The following LRP1B variants were observed in gnomAD, a reference collection of about 807,000 sequenced individuals.
LRP1B encodes the protein LDL receptor related protein 1B, also known as low-density lipoprotein receptor-related protein 1B.
Under a neutral mutation model 556.6 loss-of-function variants are expected in LRP1B, and 217 were observed. The ratio of observed to expected loss-of-function variants is 0.39; its 90% CI spans 0.35 to 0.44. The LOEUF (loss-of-function observed/expected upper bound fraction) is 0.44, where lower values mean the gene tolerates loss of function less well. LRP1B is among the 20% of genes least tolerant of loss of function. LRP1B has a pLI of 1.00. For missense variants in LRP1B, 5,053 were observed against 5,620.8 expected (o/e 0.90, Z 3.23); for synonymous variants, 2,047 against 1,865.8 (o/e 1.10, Z -2.50).
chr2:140,964,516 GA>G (rs1490356602), intron 18 of LRP1B, among the ~76,000 whole-genome samples: 1 of 151,914 alleles, frequency 6.6e-6, no homozygotes, highest in Non-Finnish European at 1.5e-5. Context: ...CCCAGACGCT[GA>G]TGTCACCGCT....
intron 41 of LRP1B, among the ~76,000 whole-genome samples, chr2:140,669,152 A>G (rs1228687252): frequency 6.6e-6 from 1 of 152,198 alleles, no homozygotes; most frequent in African/African-American, 2.4e-5. Context: ...AGCCACGGAC[A>G]TGGTAGTAGG....
At chr2:141,678,878 T>G (rs1045393572) in intron 2 of LRP1B, among the ~76,000 whole-genome samples, 13 of 152,292 alleles carry the variant, frequency 8.5e-5, no homozygotes, top group Non-Finnish European at 1.3e-4. Flanking sequence ...GTATTCATGC[T>G]CCTATGAAAC....
At chr2:141,340,650 T>C (rs1688024487) in intron 3 of LRP1B, among the ~76,000 whole-genome samples, 1 of 152,192 alleles carries the variant, frequency 6.6e-6, no homozygotes, top group South Asian at 2.1e-4. Flanking sequence ...TATTTCATTA[T>C]CATAATTTTA....
chr2:140,384,194 T>C (rs1683660598), intron 67 of LRP1B, among the ~76,000 whole-genome samples: 1 of 152,140 alleles, frequency 6.6e-6, no homozygotes, highest in Non-Finnish European at 1.5e-5. Context: ...TCTTCTGCTT[T>C]CAACATCCTT....
rs185080744 is a variant in LRP1B, at chr2:140,513,339, G to A, written c.8269+1314C>T. ...ACTCAGAAAGCACAGTGTTATCAACGGGGCAGTTTAGTGTAGAGTTTAACA... is the reference window on the plus strand; with the variant it reads ...ACTCAGAAAGCACAGTGTTATCAACAGGGCAGTTTAGTGTAGAGTTTAACA... On this transcript the variant is annotated intron_variant, in intron 51 of 90. Coordinates refer to ENST00000389484, the MANE Select transcript of LRP1B (RefSeq NM_018557.3). 5.0e-4 allele frequency among the ~76,000 whole-genome samples: 76 copies of A among 152,134 alleles called. 1 individual carries two copies. The East Asian group carries it at 9.9e-3, about 20-fold the overall frequency.
At chr2:140,895,904 C>T (rs937224603) in intron 23 of LRP1B, among the ~76,000 whole-genome samples, 4 of 152,006 alleles carry the variant, frequency 2.6e-5, no homozygotes, top group Non-Finnish European at 5.9e-5. Flanking sequence ...CTCTGCTGCC[C>T]GTGGAGCCTG....
intron 2 of LRP1B, among the ~76,000 whole-genome samples, chr2:141,672,961 G>C (rs971054261): frequency 6.6e-6 from 1 of 152,078 alleles, no homozygotes; most frequent in South Asian, 2.1e-4. Context: ...TGGTTTTACA[G>C]ACTTGTACTC....
At chr2:141,888,723 CAG>C (rs1489913144) in intron 1 of LRP1B, among the ~76,000 whole-genome samples, 2 of 152,166 alleles carry the variant, frequency 1.3e-5, no homozygotes, top group Admixed American at 6.5e-5. Context: ...GGGATTAGAG[CAG>C]AGAGAGTTTG....
chr2:141,346,305 G>A lies in LRP1B; in HGVS notation c.344-91664C>T, dbSNP rs575905959. Among the ~76,000 whole-genome samples the A allele has an allele frequency of 4.4e-4, 67 of 152,090 alleles. 1 individual carries two copies. The highest frequency in any genetic ancestry group is 3.4e-3 in the Middle Eastern group (1 of 292). On this transcript the variant is annotated intron_variant, in intron 3 of 90. Coordinates refer to ENST00000389484, the MANE Select transcript of LRP1B (RefSeq NM_018557.3). The stretch of plus-strand genomic sequence containing the variant: ...TAAAAAAAGCAACCCGTTGGGTGTT[G>A]GTATGTGCCAGTTCTGGGATTCATT...
chr2:140,921,277 A>G (rs1694729663), intron 21 of LRP1B, among the ~76,000 whole-genome samples: 1 of 152,016 alleles, frequency 6.6e-6, no homozygotes, highest in Non-Finnish European at 1.5e-5. Flanking sequence ...AGCATATTCA[A>G]GTAATTGAAA....
At chr2:142,102,004 A>G (rs778521669) in intron 1 of LRP1B, among the ~76,000 whole-genome samples, 10 of 151,946 alleles carry the variant, frequency 6.6e-5, no homozygotes, top group Non-Finnish European at 5.9e-5. Context: ...AAACTCTGAT[A>G]GTGCTTTATC....
intron 79 of LRP1B, among the ~76,000 whole-genome samples, chr2:140,332,703 C>T (rs960284859): frequency 6.6e-6 from 1 of 151,982 alleles, no homozygotes; most frequent in Non-Finnish European, 1.5e-5. Context: ...CTAGCCTCGA[C>T]CTGAAACACA....
rs920267229 is a variant in LRP1B at position 141,032,248 on chromosome 2, T to C, written c.1790-12146A>G. 5.9e-5 allele frequency among the ~76,000 whole-genome samples: 9 copies of C among 152,142 alleles called. 1 individual carries two copies. On this transcript the variant is annotated intron_variant, in intron 11 of 90. Transcript: ENST00000389484. ...TCATTTTAACGGCTACTTAATATTA[T>C]TGCTAACATAAATGCATCATGCCTC... is the stretch of plus-strand genomic sequence containing the variant.
chr2:142,089,464 G>T (rs932179294), intron 1 of LRP1B, among the ~76,000 whole-genome samples: 3 of 152,190 alleles, frequency 2.0e-5, no homozygotes, highest in African/African-American at 7.2e-5. Context: ...ATGTTCCGAT[G>T]GATTTTGAAA....
intron 76 of LRP1B, among the ~76,000 whole-genome samples, chr2:140,352,088 A>G (rs1406458017): frequency 2.6e-5 from 4 of 152,168 alleles, no homozygotes; most frequent in Admixed American, 6.6e-5. Context: ...TTGAAGTTAC[A>G]GTATTATTTA....
At chr2:140,397,131 GT>G (rs1684289287) in intron 66 of LRP1B, among the ~76,000 whole-genome samples, 1 of 151,994 alleles carries the variant, frequency 6.6e-6, no homozygotes, top group African/African-American at 2.4e-5. Context: ...TTTATTATCT[GT>G]TTTTATTTTT....
intron 2 of LRP1B, among the ~76,000 whole-genome samples, chr2:141,524,495 C>G (rs1684630108): frequency 6.6e-6 from 1 of 151,984 alleles, no homozygotes; most frequent in Admixed American, 6.6e-5. Context: ...CACATGCGGC[C>G]CAGGACAGCT....
rs150869450 is a variant in LRP1B at position 140,308,355 on chromosome 2, A to G, written c.12805+6580T>C. On this transcript the variant is annotated intron_variant, in intron 83 of 90. Coordinates refer to ENST00000389484, the MANE Select transcript of LRP1B (RefSeq NM_018557.3). ...TGATTTATTTTCCTCTATCTACACAACGCTTGAACAAGTATGGCTGATTGC... is the reference window on the plus strand; with the variant it reads ...TGATTTATTTTCCTCTATCTACACAGCGCTTGAACAAGTATGGCTGATTGC... 5.3e-3 allele frequency among the ~76,000 whole-genome samples: 807 copies of G among 151,918 alleles called. 4 individuals are homozygous for G. Among genetic ancestry groups the G allele is most frequent in the Middle Eastern group, 6.8e-3 (2 of 294 alleles).
intron 2 of LRP1B, among the ~76,000 whole-genome samples, chr2:141,753,262 C>CTATATATA (rs70994451): frequency 2.8e-5 from 1 of 36,172 alleles, no homozygotes; most frequent in Non-Finnish European, 6.5e-5. Flanking sequence ...CTCTCTCTCT[C>CTATATATA]CATATATATA....
Sources: gnomAD v4.1 joint callset for allele counts (sites outside exome capture counted in the v4.1 genomes callset) on GRCh38, gnomAD v4.1.1 for gene constraint, MANE v1.5 for transcripts, NCBI Gene and HGNC (gene_info 2026-07-23, HGNC 2026-07-21) for gene names.